SPG7: variants seen among roughly 807,000 people sequenced by gnomAD.
SPG7 encodes the protein SPG7 matrix AAA peptidase subunit, paraplegin.
In SPG7, 103 loss-of-function variants were observed where a neutral mutation model predicts 81.9. The observed-to-expected ratio is 1.26, with a 90% CI of 1.07 to 1.48. The LOEUF (loss-of-function observed/expected upper bound fraction) is 1.48, where lower values mean the gene tolerates loss of function less well. Ranked by LOEUF, SPG7 falls within the 40% of genes most tolerant of loss-of-function variation. The pLI is 0.00. For missense variants in SPG7, 1,241 were observed against 1,087.3 expected (o/e 1.14, Z -1.99); for synonymous variants, 534 against 444.2 (o/e 1.20, Z -2.54).
intron 6 of SPG7, 115 bp downstream of exon 6, chr16:89,529,694 G>C (rs190777099): frequency 2.4e-5 from 19 of 806,856 alleles, no homozygotes; most frequent in African/African-American, 2.2e-4. Flanking sequence ...AGAGTAGCCT[G>C]AAGCCACAAT....
At chr16:89,550,172 T>A (rs1026901039) in intron 12 of SPG7, 2 of 360,152 alleles carry the variant, frequency 5.6e-6, no homozygotes, top group Non-Finnish European at 1.1e-5. Context: ...CCCCCGTCAT[T>A]CTTTTTTGTT....
intron 11 of SPG7, 161 bp from the exon 12 acceptor site, chr16:89,547,842 A>T: frequency 4.4e-6 from 3 of 679,486 alleles, no homozygotes; most frequent in Non-Finnish European, 8.1e-6. Flanking sequence ...CAAACTCCTG[A>T]CCTCAGGTGA....
In SPG7 at chr16:89,553,131, T is replaced by C; in HGVS notation, c.1932T>C (p.Thr644=). 1 of 1,607,182 alleles carries C rather than the reference T, an allele frequency of 6.2e-7. No homozygotes were observed. The change falls in exon 14 of 17, where the codon ACT becomes ACC. Residue 644 remains threonine, a synonymous_variant. Coordinates refer to ENST00000645818, the MANE Select transcript of SPG7 (RefSeq NM_003119.4). The part of the protein sequence containing the change: ...ASEALSFNEV[T]SGAQDDLRKV... Reference sequence around the variant, plus strand: ...AAGCACTGTCCTTCAACGAGGTCACTTCTGGTGAGGAGCAGCGGCGCGGGC... The same window carrying C: ...AAGCACTGTCCTTCAACGAGGTCACCTCTGGTGAGGAGCAGCGGCGCGGGC...
chr16:89,557,349 G>T lies in SPG7; in HGVS notation c.*256G>T. The T allele has an allele frequency of 1.9e-6, 1 of 526,126 alleles. No individual in the cohort carries two copies. The highest frequency in any genetic ancestry group is 3.4e-5 in the East Asian group (1 of 29,560). 32.6% of individuals were successfully genotyped at this position (526,126 alleles called of 1,614,324 possible). A position where few individuals can be genotyped will look rare whatever the true frequency, so the allele number is the denominator to read the frequency against. ...TATCAGTGCTTCCCGAGTGAGCATG[G>T]AACACTTCGAGTTCCCAGGGTTATA... On this transcript the variant is annotated 3_prime_UTR_variant, in exon 17 of 17. Transcript: ENST00000645818.
intron 9 of SPG7, chr16:89,541,103 GAAAT>G (rs2058490071): frequency 1.0e-6 from 1 of 982,812 alleles, no homozygotes; most frequent in Non-Finnish European, 1.2e-6. Flanking sequence ...GTTGTACGCA[GAAAT>G]AGAAGAGCTG....
chr16:89,554,675 ACT>A, intron 16 of SPG7, 112 bp downstream of exon 16: 4 of 736,864 alleles, frequency 5.4e-6, no homozygotes, highest in Non-Finnish European at 9.5e-6. Context: ...TACAGAGAAC[ACT>A]CTGACCGATG....
At chr16:89,548,680 TC>T (rs2058596937) in intron 12 of SPG7, 1 of 339,500 alleles carries the variant, frequency 2.9e-6, no homozygotes, top group Non-Finnish European at 5.8e-6. Context: ...TGACTGCCGT[TC>T]CGTGGCTGCT....
intron 1 of SPG7, 145 bp from the exon 2 acceptor site, chr16:89,510,345 C>T: frequency 1.5e-6 from 1 of 653,168 alleles, no homozygotes; most frequent in Non-Finnish European, 2.7e-6. Flanking sequence ...ACCTATTGCT[C>T]AGACTATTAC....
intron 10 of SPG7, 112 bp downstream of exon 10, chr16:89,544,884 C>CTGTGGGGCTGTG: frequency 1.5e-6 from 2 of 1,362,606 alleles, no homozygotes; most frequent in Non-Finnish European, 2.1e-6. Flanking sequence ...GTCACAGCCC[C>CTGTGGGGCTGTG]ACAGGTGCTG....
rs144039221 is a variant in SPG7 at position 89,556,955 on chromosome 16, G to A, written c.2250G>A (p.Pro750=). The change falls in exon 17 of 17, where the codon CCG becomes CCA. Residue 750 remains proline (P), a synonymous_variant. Coordinates refer to ENST00000645818, the MANE Select transcript of SPG7 (RefSeq NM_003119.4). ...YEDIEALIGP[P]PHGPKKMIAP... is the part of the protein sequence containing the mutation. ...ACATTGAGGCTCTCATTGGCCCGCC[G>A]CCCCATGGGCCGAAGAAAATGATCG... The A allele has an allele frequency of 3.5e-5, 57 of 1,614,032 alleles. No individual in the cohort carries two copies. In the African/African-American group the frequency reaches 3.9e-4, roughly 11 times the overall value.
rs777618854 is a variant in SPG7 at position 89,530,835 on chromosome 16, G to A, written c.987+27G>A. On this transcript the variant is annotated intron_variant, in intron 7 of 16. Coordinates refer to ENST00000645818, the MANE Select transcript of SPG7 (RefSeq NM_003119.4). ...TGAAAGCAGCGTGGGCCGGGAGGGA[G>A]GTGTGAGCAGAGGCCGGCCGTCCTC... The A allele has an allele frequency of 5.6e-6, 9 of 1,613,348 alleles. No homozygotes were observed. The East Asian group carries it at 1.3e-4, about 24-fold the overall frequency.
At chr16:89,553,301 C>A in intron 14 of SPG7, 166 bp downstream of exon 14, 1 of 761,520 alleles carries the variant, frequency 1.3e-6, no homozygotes, top group Non-Finnish European at 2.2e-6. Context: ...TGGAGCTAAG[C>A]AAGACTTCTT....
chr16:89,537,722 G>A (rs1003836726), intron 9 of SPG7: 1 of 985,282 alleles, frequency 1.0e-6, no homozygotes, highest in Admixed American at 6.1e-5. Flanking sequence ...CAGCATGTGA[G>A]CTTGGCAGTG....
chr16:89,515,049 G>A (rs1187760671), intron 3 of SPG7, among the ~76,000 whole-genome samples: 1 of 147,908 alleles, frequency 6.8e-6, no homozygotes, highest in Non-Finnish European at 1.5e-5. Flanking sequence ...CCATTCTCCT[G>A]CCTTAGCCTC....
At chr16:89,523,585 G>A (rs1304384377) in intron 3 of SPG7, 5 of 408,950 alleles carry the variant, frequency 1.2e-5, no homozygotes, top group East Asian at 7.1e-5. Flanking sequence ...GGCCTGGGAC[G>A]GTCGTTTCTT....
At chr16:89,508,677 G>GAGGCCGC (rs1278804112) in intron 1 of SPG7, 77 bp downstream of exon 1, 3 of 1,343,190 alleles carry the variant, frequency 2.2e-6, no homozygotes, top group Non-Finnish European at 3.0e-6. Context: ...GGGCGGGTCG[G>GAGGCCGC]AGGCCGCCTG....
Position 89,550,480 on chromosome 16 carries a change from C to T in SPG7, c.1664-14C>T, listed in dbSNP as rs199709217. The T allele has an allele frequency of 3.0e-5, 48 of 1,593,292 alleles. No homozygotes were observed. Among genetic ancestry groups the T allele is most frequent in the Middle Eastern group, 1.7e-4 (1 of 6,052 alleles). On this transcript the variant is annotated splice_polypyrimidine_tract_variant and intron_variant, in intron 12 of 16. Coordinates refer to ENST00000645818, the MANE Select transcript of SPG7 (RefSeq NM_003119.4). The stretch of plus-strand genomic sequence containing the variant: ...GAGCCACCGCGCCCAACTCATACCC[C>T]GGCATTCTTTCAGGGACTGCCAAAA...
Position 89,556,571 on chromosome 16 carries a change from AT to A in SPG7, c.2182-312del, listed in dbSNP as rs763628075. ...CTCTCCTCAATCAGGAGGGTTCAGCATTTTACCCATCTCCTTCCCTGTAGAC... is the reference window on the plus strand; with the variant it reads ...CTCTCCTCAATCAGGAGGGTTCAGCATTTACCCATCTCCTTCCCTGTAGAC... On this transcript the variant is annotated intron_variant, in intron 16 of 16. Coordinates refer to ENST00000645818, the MANE Select transcript of SPG7 (RefSeq NM_003119.4). 2.4e-4 allele frequency: 101 copies of A among 415,908 alleles called. 1 individual carries two copies. Among genetic ancestry groups the A allele is most frequent in the Non-Finnish European group, 4.4e-4 (97 of 222,748 alleles). The allele number at this position is 415,908 out of a possible 1,614,324, so 25.8% of individuals were successfully genotyped here. A position where few individuals can be genotyped will look rare whatever the true frequency, so the allele number is the denominator to read the frequency against.
At chr16:89,513,220 C>G (rs750860267) in intron 3 of SPG7, among the ~76,000 whole-genome samples, 183 bp downstream of exon 3, 1 of 152,184 alleles carries the variant, frequency 6.6e-6, no homozygotes, top group Non-Finnish European at 1.5e-5. Flanking sequence ...GCCTATACCA[C>G]ATAGCGAGAC....
Sources: gnomAD v4.1 joint callset for allele counts (sites outside exome capture counted in the v4.1 genomes callset) on GRCh38, gnomAD v4.1.1 for gene constraint, MANE v1.5 for transcripts, NCBI Gene and HGNC (gene_info 2026-07-23, HGNC 2026-07-21) for gene names.